The following AATF variants were observed in gnomAD, a reference collection of about 807,000 sequenced individuals.
AATF encodes the protein apoptosis antagonizing transcription factor.
A neutral mutation model predicts 63.7 loss-of-function variants in AATF; 48 were observed. That is an observed-to-expected ratio of 0.75 (90% confidence interval 0.60 to 0.96). AATF has a LOEUF of 0.96. Ranked by LOEUF, AATF falls within the 40% of genes least tolerant of loss-of-function variation. The pLI, the probability that AATF is intolerant of heterozygous loss-of-function variation, is 0.00. For synonymous variants in AATF, 258 were observed against 247.7 expected (o/e 1.04, Z -0.39); for missense variants, 639 against 685.7 (o/e 0.93, Z 0.76).
intron 4 of AATF, among the ~76,000 whole-genome samples, chr17:36,975,636 A>G (rs1214611060): frequency 1.3e-5 from 2 of 152,182 alleles, no homozygotes; most frequent in African/African-American, 2.4e-5. Flanking sequence ...ACATTTTTGT[A>G]CCTACCTCTT....
At chr17:37,029,184 G>A (rs1030610353) in intron 10 of AATF, among the ~76,000 whole-genome samples, 4 of 151,856 alleles carry the variant, frequency 2.6e-5, no homozygotes, top group African/African-American at 7.3e-5. Flanking sequence ...TCAGCCTCCC[G>A]AGTAGCTGGG....
chr17:36,968,422 A>G (rs888678776), intron 4 of AATF, among the ~76,000 whole-genome samples: 6 of 149,488 alleles, frequency 4.0e-5, no homozygotes, highest in Admixed American at 2.7e-4. Context: ...CTACAGGTGC[A>G]CGCCACCACG....
intron 11 of AATF, among the ~76,000 whole-genome samples, chr17:37,049,132 C>T (rs763404276): frequency 1.3e-5 from 2 of 152,172 alleles, no homozygotes; most frequent in Non-Finnish European, 2.9e-5. Context: ...AAGTAATTTA[C>T]CTAAGGTCCT....
intron 10 of AATF, among the ~76,000 whole-genome samples, chr17:37,022,964 A>G (rs956608601): frequency 4.6e-5 from 7 of 152,166 alleles, no homozygotes; most frequent in African/African-American, 1.7e-4. Context: ...GAAAAATGTT[A>G]CTAATAGTAC....
rs369773296 is a variant in AATF, at chr17:36,988,572, G to A, written c.1001G>A (p.Arg334Gln). ...DELVEEKKQQ[R>Q]RRVPAKRKLE... ...CTGGTAGAAGAGAAGAAGCAGCAAC[G>A]AAGAAGGGTCCCTGCAAAGAGGAAG... The change falls in exon 6 of 12, where the codon CGA becomes CAA. Residue 334 changes from arginine (R) to glutamine (Q), a missense_variant. Transcript: ENST00000619387. 9.6e-5 allele frequency: 155 copies of A among 1,614,152 alleles called. No individual in the cohort carries two copies. Among genetic ancestry groups the A allele is most frequent in the Middle Eastern group, 3.3e-4 (2 of 6,060 alleles).
At chr17:37,009,555 C>T (rs1010863238) in intron 8 of AATF, among the ~76,000 whole-genome samples, 8 of 151,630 alleles carry the variant, frequency 5.3e-5, no homozygotes, top group South Asian at 2.1e-4. Context: ...CGGTGGCTCA[C>T]GCCTGTAATC....
At chr17:37,054,890 G>A (rs1243921683) in intron 11 of AATF, 2 of 152,218 alleles carry the variant, frequency 1.3e-5, no homozygotes, top group African/African-American at 4.8e-5. Flanking sequence ...TGTGGAAACA[G>A]CTAGAGAGAC....
chr17:37,053,492 C>T (rs1251088877), intron 11 of AATF, among the ~76,000 whole-genome samples: 1 of 152,068 alleles, frequency 6.6e-6, no homozygotes, highest in African/African-American at 2.4e-5. Context: ...GACATTCAAG[C>T]ATGAAACCAT....
At chr17:37,033,099 A>T (rs562414981) in intron 11 of AATF, among the ~76,000 whole-genome samples, 3 of 152,078 alleles carry the variant, frequency 2.0e-5, no homozygotes, top group Non-Finnish European at 4.4e-5. Context: ...TACTATTATT[A>T]TTTTTTATTT....
intron 11 of AATF, among the ~76,000 whole-genome samples, chr17:37,040,223 T>C (rs1329351067): frequency 6.6e-6 from 1 of 152,228 alleles, no homozygotes; most frequent in Non-Finnish European, 1.5e-5. Flanking sequence ...TTAATTTAGT[T>C]AGTCATAATC....
chr17:37,018,838 A>G (rs2071447441), intron 8 of AATF, 167 bp from the exon 9 acceptor site: 5 of 618,462 alleles, frequency 8.1e-6, no homozygotes, highest in Admixed American at 2.9e-5. Flanking sequence ...ATATATAACT[A>G]TGAAAGCGTT....
chr17:36,996,771 T>C (rs566357343), intron 8 of AATF, among the ~76,000 whole-genome samples: 1 of 152,308 alleles, frequency 6.6e-6, no homozygotes, highest in Non-Finnish European at 1.5e-5. Context: ...AAAAGCCACA[T>C]TTTTAAATGC....
chr17:37,018,214 G>A (rs543001407), intron 8 of AATF, among the ~76,000 whole-genome samples: 178 of 152,278 alleles, frequency 1.2e-3, no homozygotes, highest in Non-Finnish European at 1.9e-3. Flanking sequence ...AGGACTTTAA[G>A]ATTCAGTGCA....
chr17:36,976,309 A>G (rs1469148266), intron 4 of AATF, among the ~76,000 whole-genome samples: 1 of 152,214 alleles, frequency 6.6e-6, no homozygotes, highest in East Asian at 1.9e-4. Context: ...CAATAATAGT[A>G]TCTACCTCAA....
Position 36,953,253 on chromosome 17 carries a change from T to G in AATF, c.651T>G (p.Val217=). The G allele has an allele frequency of 6.2e-7, 1 of 1,614,080 alleles. No individual in the cohort carries two copies. Among genetic ancestry groups the G allele is most frequent in the Non-Finnish European group, 8.5e-7 (1 of 1,179,966 alleles). The change falls in exon 3 of 12, where the codon GTT becomes GTG. Residue 217 remains valine, a synonymous_variant. Coordinates refer to ENST00000619387, the MANE Select transcript of AATF (RefSeq NM_012138.4). ...GVVMTFSSVK[V]SEEVEKGRAV... is the part of the protein sequence containing the mutation. ...TGATGACCTTCTCTAGTGTCAAAGT[T>G]TCTGAGGAAGTGGAGAAAGGAAGAG...
At chr17:36,998,516 A>T (rs553158408) in intron 8 of AATF, 1 of 152,324 alleles carries the variant, frequency 6.6e-6, no homozygotes, top group East Asian at 1.9e-4. Flanking sequence ...TGTTTAGGAC[A>T]TTGGAGATCT....
chr17:36,986,619 C>T lies in AATF; in HGVS notation c.835C>T (p.His279Tyr), dbSNP rs1161166005. 3 of 1,612,118 alleles carry T rather than the reference C, an allele frequency of 1.9e-6. No homozygotes were observed. Among genetic ancestry groups the T allele is most frequent in the Non-Finnish European group, 2.5e-6 (3 of 1,178,348 alleles). The change falls in exon 5 of 12, where the codon CAC becomes TAC. Residue 279 changes from histidine to tyrosine, a missense_variant and splice_region_variant. Transcript: ENST00000619387. ...TTTCTCTGTCCTTTATTTCCCAGGT[C>T]ACAAGGCACTTAAAGCATTGTTGAG... Reference protein sequence around the residue: ...PEFSSALKNSHKALKALLRSL... With the variant: ...PEFSSALKNSYKALKALLRSL...
intron 4 of AATF, among the ~76,000 whole-genome samples, chr17:36,963,466 A>G (rs2070965230): frequency 6.6e-6 from 1 of 152,226 alleles, no homozygotes; most frequent in Admixed American, 6.5e-5. Context: ...TATGTACAAT[A>G]TAAGGGATTT....
At chr17:37,005,957 A>C (rs1025762100) in intron 8 of AATF, among the ~76,000 whole-genome samples, 4 of 151,862 alleles carry the variant, frequency 2.6e-5, no homozygotes, top group Non-Finnish European at 5.9e-5. Flanking sequence ...GTGAGACCCT[A>C]TCTCTATAAA....
Sources: allele counts gnomAD v4.1 joint callset (sites outside exome capture counted in the v4.1 genomes callset), GRCh38; gene constraint gnomAD v4.1.1; transcripts MANE v1.5; gene names NCBI Gene and HGNC (gene_info 2026-07-23, HGNC 2026-07-21).